KALRN: variants seen among roughly 807,000 people sequenced by gnomAD.
The protein encoded by KALRN is kalirin RhoGEF kinase, also known as kalirin.
KALRN carries 70 observed loss-of-function variants against 353.7 expected under a neutral mutation model. The ratio of observed to expected loss-of-function variants is 0.20; its 90% CI spans 0.16 to 0.24. The LOEUF (loss-of-function observed/expected upper bound fraction) is 0.24, where lower values mean the gene tolerates loss of function less well. Ranked by LOEUF, KALRN falls within the 10% of genes least tolerant of loss-of-function variation. The pLI is 1.00. For synonymous variants in KALRN, 1,391 were observed against 1,434.8 expected (o/e 0.97, Z 0.69); for missense variants, 2,791 against 3,756.7 (o/e 0.74, Z 6.72).
chr3:124,266,977 C>G (rs546607199), intron 4 of KALRN, among the ~76,000 whole-genome samples: 47 of 152,286 alleles, frequency 3.1e-4, no homozygotes, highest in Admixed American at 4.6e-4. Flanking sequence ...GCCTGCATGT[C>G]CCATCTCTCT....
intron 3 of KALRN, among the ~76,000 whole-genome samples, chr3:124,241,390 AG>A (rs1245801700): frequency 6.6e-6 from 1 of 152,212 alleles, no homozygotes; most frequent in East Asian, 1.9e-4. Flanking sequence ...AAAGAAGCTA[AG>A]GTTTTGACTC....
intron 27 of KALRN, 139 bp downstream of exon 27, chr3:124,477,473 A>C: frequency 3.0e-6 from 2 of 669,478 alleles, no homozygotes; most frequent in Non-Finnish European, 5.1e-6. Flanking sequence ...AGCATGGAAA[A>C]AAAGCAAAAA....
intron 57 of KALRN, among the ~76,000 whole-genome samples, chr3:124,705,196 G>A (rs573417674): frequency 6.6e-6 from 1 of 152,262 alleles, no homozygotes; most frequent in Non-Finnish European, 1.5e-5. Flanking sequence ...GCAGTACCAG[G>A]CCTCCAGGTC....
intron 1 of KALRN, among the ~76,000 whole-genome samples, chr3:124,077,526 TC>T (rs1306222646): frequency 6.6e-6 from 1 of 152,100 alleles, no homozygotes; most frequent in Non-Finnish European, 1.5e-5. Flanking sequence ...CAAATCCGCA[TC>T]CTTCCAGTCA....
At chr3:124,604,073 T>A (rs1161701803) in intron 34 of KALRN, among the ~76,000 whole-genome samples, 1 of 151,916 alleles carries the variant, frequency 6.6e-6, no homozygotes, top group Non-Finnish European at 1.5e-5. Context: ...GGGTGAAACA[T>A]GGGTGGTAGA....
At chr3:124,066,209 AT>A (rs770078908) in intron 1 of KALRN, among the ~76,000 whole-genome samples, 3 of 152,074 alleles carry the variant, frequency 2.0e-5, no homozygotes, top group East Asian at 3.9e-4. Context: ...AGCCATTATG[AT>A]TTTTTTTCTT....
intron 48 of KALRN, among the ~76,000 whole-genome samples, chr3:124,674,037 T>G (rs1042830923): frequency 6.6e-6 from 1 of 152,188 alleles, no homozygotes; most frequent in Non-Finnish European, 1.5e-5. Flanking sequence ...CCTATGCCAG[T>G]GCCAGGTTCT....
chr3:124,034,342 C>T (rs1054567624), intron 1 of KALRN, among the ~76,000 whole-genome samples: 7 of 152,154 alleles, frequency 4.6e-5, no homozygotes, highest in South Asian at 4.1e-4. Context: ...ACATCGGTCT[C>T]GCCTGGTGCG....
At chr3:124,376,082 G>T (rs2149838821) in intron 10 of KALRN, among the ~76,000 whole-genome samples, 1 of 152,294 alleles carries the variant, frequency 6.6e-6, no homozygotes, top group South Asian at 2.1e-4. Context: ...AGCAAGTAGA[G>T]ATGTGTGAGA....
chr3:124,535,673 C>T (rs2068448229), intron 33 of KALRN, among the ~76,000 whole-genome samples: 2 of 152,220 alleles, frequency 1.3e-5, no homozygotes, highest in Non-Finnish European at 2.9e-5. Context: ...ACATCTCCAA[C>T]CTTTCCTTGT....
intron 1 of KALRN, chr3:124,094,533 C>A: frequency 2.3e-6 from 1 of 432,856 alleles, no homozygotes; most frequent in East Asian, 4.3e-5. Context: ...CCACTGCAAA[C>A]CTCGCGTCTT....
rs1241536018 is a variant in KALRN at position 124,334,883 on chromosome 3, T to C, written c.1647+388T>C. ...GATCTTGGCTCACTGCAACCTCCGCTTTCTGGGTTCAAGCGATTCTTGTTC... is the reference window on the plus strand; with the variant it reads ...GATCTTGGCTCACTGCAACCTCCGCCTTCTGGGTTCAAGCGATTCTTGTTC... On this transcript the variant is annotated intron_variant, in intron 9 of 59. Transcript: ENST00000682506. This position sits in a 1 kb window ranked among gnomAD's most constrained non-coding sequence, Gnocchi z 4.2. Among the ~76,000 whole-genome samples the C allele has an allele frequency of 6.6e-6, 1 of 152,174 alleles. No homozygotes were observed. Among genetic ancestry groups the C allele is most frequent in the Non-Finnish European group, 1.5e-5 (1 of 68,018 alleles).
chr3:124,637,832 T>TG (rs1369903044), intron 37 of KALRN, among the ~76,000 whole-genome samples: 1 of 151,998 alleles, frequency 6.6e-6, no homozygotes, highest in Non-Finnish European at 1.5e-5. Flanking sequence ...AGCCCTACAA[T>TG]GGGGGGAAAA....
At chr3:124,520,110 C>T (rs1011610347) in intron 33 of KALRN, among the ~76,000 whole-genome samples, 1 of 151,318 alleles carries the variant, frequency 6.6e-6, no homozygotes, top group African/African-American at 2.4e-5. Flanking sequence ...ATAGGTAGAA[C>T]AGGAGTGTGG....
chr3:124,601,172 G>A lies in KALRN; in HGVS notation c.5183-31248G>A, dbSNP rs1162286009. ...CATCTGCGCACTTGGGGAAATACAGGCATCTATCCCTGAGGGTGGTTGTGA... is the reference window on the plus strand; with the variant it reads ...CATCTGCGCACTTGGGGAAATACAGACATCTATCCCTGAGGGTGGTTGTGA... On this transcript the variant is annotated intron_variant, in intron 34 of 59. Coordinates refer to ENST00000682506, the MANE Select transcript of KALRN (RefSeq NM_001388419.1). Among the ~76,000 whole-genome samples the A allele has an allele frequency of 4.6e-5, 7 of 152,202 alleles. No individual in the cohort carries two copies. The East Asian group carries it at 1.3e-3, about 29-fold the overall frequency.
intron 34 of KALRN, among the ~76,000 whole-genome samples, chr3:124,611,796 C>T (rs2078005715): frequency 6.6e-6 from 1 of 152,218 alleles, no homozygotes; most frequent in African/African-American, 2.4e-5. Flanking sequence ...CAGCTGCGCT[C>T]CAGCCACAAG....
At chr3:124,039,076 A>G (rs2039699870) in intron 1 of KALRN, among the ~76,000 whole-genome samples, 1 of 152,214 alleles carries the variant, frequency 6.6e-6, no homozygotes, top group Admixed American at 6.5e-5. Context: ...CACTACTTTC[A>G]TCACACCACT....
intron 9 of KALRN, 35 bp from the exon 10 acceptor site, chr3:124,347,108 G>C (rs772713754): frequency 6.2e-7 from 1 of 1,613,264 alleles, no homozygotes; most frequent in South Asian, 1.1e-5. Flanking sequence ...CCTTCTGCTA[G>C]AAAGTCATTG....
chr3:124,439,198 T>TCACA (rs1220555173), intron 18 of KALRN, among the ~76,000 whole-genome samples, 161 bp downstream of exon 18: 13 of 125,534 alleles, frequency 1.0e-4, no homozygotes, highest in African/African-American at 3.9e-4. Context: ...TCTCTCTCTC[T>TCACA]CTCACACACA....
Sources: allele counts gnomAD v4.1 joint callset (sites outside exome capture counted in the v4.1 genomes callset), GRCh38; gene constraint gnomAD v4.1.1; non-coding constraint Gnocchi (gnomAD v3.1); transcripts MANE v1.5; gene names NCBI Gene and HGNC (gene_info 2026-07-23, HGNC 2026-07-21).